Variants in POU6F2 observed in about 807,000 individuals in gnomAD.
The protein encoded by POU6F2 is POU domain, class 6, transcription factor 2.
In POU6F2, 31 loss-of-function variants were observed where a neutral mutation model predicts 71.3. That is an observed-to-expected ratio of 0.43 (90% CI 0.33 to 0.59). The LOEUF (loss-of-function observed/expected upper bound fraction) is 0.59, where lower values mean the gene tolerates loss of function less well. POU6F2 is among the 20% of genes least tolerant of loss of function. The pLI, the probability that POU6F2 is intolerant of heterozygous loss-of-function variation, is 0.04. For missense variants in POU6F2, 783 were observed against 856.8 expected, an observed-to-expected ratio of 0.91 and a Z score of 1.07; for synonymous variants, 347 against 355.7, an observed-to-expected ratio of 0.98 and a Z score of 0.27.
intron 1 of POU6F2, among the ~76,000 whole-genome samples, chr7:39,053,570 C>T (rs374419093): frequency 3.9e-5 from 6 of 152,114 alleles, no homozygotes; most frequent in African/African-American, 1.2e-4. Context: ...TTTTTCTGAA[C>T]ATATGAAATG....
intron 6 of POU6F2, among the ~76,000 whole-genome samples, chr7:39,415,917 G>A (rs543812304): frequency 6.6e-6 from 1 of 152,132 alleles, no homozygotes; most frequent in East Asian, 1.9e-4. Context: ...TGAGATTTGC[G>A]TTCCAAGTCC....
chr7:39,271,955 G>A (rs1784347519), intron 4 of POU6F2, among the ~76,000 whole-genome samples: 1 of 151,956 alleles, frequency 6.6e-6, no homozygotes, highest in Non-Finnish European at 1.5e-5. Context: ...GGATCCATAC[G>A]GTTATGAAGA....
intron 8 of POU6F2, among the ~76,000 whole-genome samples, chr7:39,457,225 C>G (rs1638767639): frequency 6.6e-6 from 1 of 152,206 alleles, no homozygotes; most frequent in Non-Finnish European, 1.5e-5. Context: ...GCTGCCGAAT[C>G]CTGTGCCAGT....
chr7:39,178,882 T>C (rs1454656614), intron 2 of POU6F2, among the ~76,000 whole-genome samples: 1 of 152,192 alleles, frequency 6.6e-6, no homozygotes, highest in African/African-American at 2.4e-5. Flanking sequence ...TTTCTGTACC[T>C]GAGGCAAGCT....
rs1371078117 is a variant in POU6F2 at position 39,407,872 on chromosome 7, T to C, written c.1113+1132T>C. On this transcript the variant is annotated intron_variant, in intron 6 of 9. Coordinates refer to ENST00000518318, the MANE Select transcript of POU6F2 (RefSeq NM_001370959.1). ...CGTCAGAACCCCGAGGGCTGAACGA[T>C]GGAGCTTGTCAAAGAGAGGCCCCAT... 2.0e-5 allele frequency among the ~76,000 whole-genome samples: 3 copies of C among 152,234 alleles called. No individual in the cohort carries two copies. The South Asian group carries it at 6.2e-4, about 31-fold the overall frequency.
At chr7:39,397,009 A>T (rs4720323) in intron 5 of POU6F2, among the ~76,000 whole-genome samples, 150,487 of 152,072 alleles carry the variant, frequency 0.99, 74,474 homozygotes, top group East Asian at 1. Flanking sequence ...ATTCCAGGCA[A>T]AGAATTTCTA....
intron 2 of POU6F2, among the ~76,000 whole-genome samples, chr7:39,112,668 T>A (rs957861498): frequency 6.3e-4 from 89 of 140,888 alleles, no homozygotes; most frequent in Non-Finnish European, 8.9e-4. Context: ...AGGGGCCAAT[T>A]ATAGCCCCCC....
At chr7:39,189,272 A>G (rs1465303124) in intron 2 of POU6F2, among the ~76,000 whole-genome samples, 2 of 152,192 alleles carry the variant, frequency 1.3e-5, no homozygotes, top group African/African-American at 4.8e-5. Flanking sequence ...AAAAACCAAC[A>G]TTGTCCAAAC....
At chr7:38,993,423 A>C (rs967214552) in intron 1 of POU6F2, among the ~76,000 whole-genome samples, 2 of 152,172 alleles carry the variant, frequency 1.3e-5, no homozygotes, top group Admixed American at 6.6e-5. Context: ...GTTTTAAATT[A>C]GGATTGTGTA....
At chr7:39,165,800 A>C (rs921625993) in intron 2 of POU6F2, among the ~76,000 whole-genome samples, 3 of 152,210 alleles carry the variant, frequency 2.0e-5, no homozygotes, top group Non-Finnish European at 4.4e-5. Flanking sequence ...GTGAATAAAA[A>C]TCCAGAGGCA....
rs185317092 is a variant in POU6F2 at position 39,079,143 on chromosome 7, A to G, written c.106-6717A>G. Among the ~76,000 whole-genome samples, 11 of 145,594 alleles carry G rather than the reference A, an allele frequency of 7.6e-5. No individual in the cohort carries two copies. In the East Asian group the frequency reaches 2.2e-3, roughly 29 times the overall value. ...TATCTTTCAAAACATATTCATACAC[A>G]TTATCTGTACATTATCTCACTTGAG... On this transcript the variant is annotated intron_variant, in intron 1 of 9. Coordinates refer to ENST00000518318, the MANE Select transcript of POU6F2 (RefSeq NM_001370959.1).
At chr7:39,072,371 C>T (rs1047414260) in intron 1 of POU6F2, among the ~76,000 whole-genome samples, 1 of 152,144 alleles carries the variant, frequency 6.6e-6, no homozygotes, top group Admixed American at 6.5e-5. Context: ...TGTTGTCTTT[C>T]TTCAATCTAT....
chr7:39,028,627 G>T (rs554876118), intron 1 of POU6F2, among the ~76,000 whole-genome samples: 51 of 151,994 alleles, frequency 3.4e-4, no homozygotes, highest in African/African-American at 1.1e-3. Flanking sequence ...AATTTGGGAA[G>T]AATTAACACC....
At chr7:39,129,372 T>C (rs1427346937) in intron 2 of POU6F2, among the ~76,000 whole-genome samples, 2 of 152,176 alleles carry the variant, frequency 1.3e-5, no homozygotes, top group Non-Finnish European at 2.9e-5. Context: ...ATAAAGGAAA[T>C]TTGACCTAAA....
chr7:39,437,214 A>G (rs779503353), intron 7 of POU6F2, among the ~76,000 whole-genome samples: 2 of 152,034 alleles, frequency 1.3e-5, no homozygotes, highest in Non-Finnish European at 2.9e-5. Flanking sequence ...TCCTTTTTGT[A>G]TTTCTGGTAG....
At position 39,464,212 on chromosome 7, in the gene POU6F2, A is replaced by T; in HGVS notation, c.1689A>T (p.Leu563=). The T allele has an allele frequency of 6.2e-7, 1 of 1,613,698 alleles. No homozygotes were observed. The highest frequency in any genetic ancestry group is 8.5e-7 in the Non-Finnish European group (1 of 1,179,782). Residue 563 remains leucine, a synonymous_variant, in exon 10 of 10, where the codon CTA becomes CTT. Transcript: ENST00000518318. The surrounding 1 kb of genome is among the most constrained non-coding windows in gnomAD (Gnocchi z 4.1). ...CCATCCTGAGAAGCCACTTTTTCCT[A>T]CCACAGGAAGCCCAAGAGAACACTA... ...RHTILRSHFF[L]PQEAQENTIA...
intron 2 of POU6F2, among the ~76,000 whole-genome samples, chr7:39,160,153 T>C (rs1177296362): frequency 6.6e-6 from 1 of 152,206 alleles, no homozygotes; most frequent in Non-Finnish European, 1.5e-5. Flanking sequence ...CTGTGGCCAA[T>C]ATGGAGCATA....
chr7:39,163,755 A>G (rs191326041), intron 2 of POU6F2, among the ~76,000 whole-genome samples: 53 of 152,354 alleles, frequency 3.5e-4, no homozygotes, highest in Admixed American at 3.1e-3. Flanking sequence ...TCAGAAATGG[A>G]AACAACTAGG....
intron 1 of POU6F2, among the ~76,000 whole-genome samples, chr7:39,057,188 A>C (rs1790546874): frequency 6.6e-6 from 1 of 152,098 alleles, no homozygotes; most frequent in African/African-American, 2.4e-5. Context: ...TGTTTTGTTG[A>C]AGATGGAATT....
Sources: allele counts gnomAD v4.1 joint callset (sites outside exome capture counted in the v4.1 genomes callset), GRCh38; gene constraint gnomAD v4.1.1; non-coding constraint Gnocchi (gnomAD v3.1); transcripts MANE v1.5; gene names NCBI Gene and HGNC (gene_info 2026-07-23, HGNC 2026-07-21).